COL9A2: variants seen among roughly 807,000 people sequenced by gnomAD.
The protein encoded by COL9A2 is collagen type IX alpha 2 chain.
COL9A2 carries 66 observed loss-of-function variants against 111.6 expected under a neutral mutation model. That is an observed-to-expected ratio of 0.59 (90% CI 0.48 to 0.73). COL9A2 has a LOEUF of 0.73. Among genes scored for constraint, COL9A2 ranks in the 30% least tolerant of loss-of-function variants. The probability of loss-of-function intolerance (pLI) is 0.00; values close to 1 mark genes in which losing one functional copy is unlikely to be tolerated. For synonymous variants in COL9A2, 353 were observed against 364.1 expected, an observed-to-expected ratio of 0.97 and a Z score of 0.35; for missense variants, 881 against 954.1, an observed-to-expected ratio of 0.92 and a Z score of 1.01.
Position 40,302,893 on chromosome 1 carries a change from T to C in COL9A2, c.1604-84A>G, listed in dbSNP as rs1311037792. On this transcript the variant is annotated intron_variant, in intron 29 of 31. Coordinates refer to ENST00000372748, the MANE Select transcript of COL9A2 (RefSeq NM_001852.4). The surrounding 1 kb of genome is among the most constrained non-coding windows in gnomAD (Gnocchi z 4.5). Reference sequence around the variant, plus strand: ...CACTAGGGGAGGCAGAGCATTCCGATGGGCCCTGGCCCCTAGGTTTGCAGA... The same window carrying C: ...CACTAGGGGAGGCAGAGCATTCCGACGGGCCCTGGCCCCTAGGTTTGCAGA... The C allele has an allele frequency of 1.9e-5, 26 of 1,386,924 alleles. No homozygotes were observed. The highest frequency in any genetic ancestry group is 2.5e-5 in the Non-Finnish European group (25 of 1,008,878). 85.9% of individuals were successfully genotyped at this position (1,386,924 alleles called of 1,614,324 possible).
At chr1:40,313,402 C>G (rs1414134860) in intron 4 of COL9A2, among the ~76,000 whole-genome samples, 1 of 152,204 alleles carries the variant, frequency 6.6e-6, no homozygotes, top group Non-Finnish European at 1.5e-5. Context: ...CTCCTGACCT[C>G]AAGTAATCTG....
In COL9A2 at chr1:40,316,882, G is replaced by A. The variant is rs1171519232; in HGVS notation, c.75+241C>T. Among the ~76,000 whole-genome samples, 1 of 152,178 alleles carries A rather than the reference G, an allele frequency of 6.6e-6. No homozygotes were observed. Among genetic ancestry groups the A allele is most frequent in the Non-Finnish European group, 1.5e-5 (1 of 68,010 alleles). Reference sequence around the variant, plus strand: ...GCTCCTGCCCCACGCTGCCTGTCCCGGGCCGGGCCGCGCGTCTGGGGACGG... The same window carrying A: ...GCTCCTGCCCCACGCTGCCTGTCCCAGGCCGGGCCGCGCGTCTGGGGACGG... On this transcript the variant is annotated intron_variant, in intron 1 of 31. Coordinates refer to ENST00000372748, the MANE Select transcript of COL9A2 (RefSeq NM_001852.4). This position sits in a 1 kb window ranked among gnomAD's most constrained non-coding sequence, Gnocchi z 5.5.
chr1:40,301,155 C>T lies in COL9A2; in HGVS notation c.*27G>A, dbSNP rs1400756179. On this transcript the variant is annotated 3_prime_UTR_variant, in exon 32 of 32. Coordinates refer to ENST00000372748, the MANE Select transcript of COL9A2 (RefSeq NM_001852.4). ...GACCTGGTCCTTCCCGCCAGGATGC[C>T]TGCCAGGCTCTGTCTGGGCCTGATG... is the stretch of plus-strand genomic sequence containing the variant. 6.2e-7 allele frequency: 1 copy of T among 1,611,612 alleles called. No individual in the cohort carries two copies. Among genetic ancestry groups the T allele is most frequent in the Admixed American group, 1.7e-5 (1 of 59,998 alleles).
rs1045206861 is a variant in COL9A2 at position 40,311,783 on chromosome 1, C to T, written c.418-68G>A. Reference sequence around the variant, plus strand: ...TACCAGCTTACCCTAGTGCCCTCCTCCAGGTCCTGCCTCTGCCCTCTCCAC... The same window carrying T: ...TACCAGCTTACCCTAGTGCCCTCCTTCAGGTCCTGCCTCTGCCCTCTCCAC... On this transcript the variant is annotated intron_variant, in intron 8 of 31. Transcript: ENST00000372748. The surrounding 1 kb of genome is among the most constrained non-coding windows in gnomAD (Gnocchi z 5.1). 6.9e-5 allele frequency: 102 copies of T among 1,486,382 alleles called. 2 individuals carry two copies. 92.1% of individuals were successfully genotyped at this position (1,486,382 alleles called of 1,614,324 possible).
At chr1:40,304,265 C>A in intron 24 of COL9A2, 55 bp downstream of exon 24, 1 of 1,544,482 alleles carries the variant, frequency 6.5e-7, no homozygotes, top group Non-Finnish European at 8.8e-7. Flanking sequence ...CTGCCGACCC[C>A]ACTCCCCCTG....
chr1:40,310,440 G>C lies in COL9A2; in HGVS notation c.685-123C>G. The C allele has an allele frequency of 3.0e-6, 3 of 1,015,590 alleles. No homozygotes were observed. Among genetic ancestry groups the C allele is most frequent in the Non-Finnish European group, 3.1e-6 (2 of 655,354 alleles). 62.9% of individuals were successfully genotyped at this position (1,015,590 alleles called of 1,614,324 possible). On this transcript the variant is annotated intron_variant, in intron 13 of 31. Coordinates refer to ENST00000372748, the MANE Select transcript of COL9A2 (RefSeq NM_001852.4). This position sits in a 1 kb window ranked among gnomAD's most constrained non-coding sequence, Gnocchi z 4.9. ...GTAGGCAGCAGAGTCTCTGTCTCAT[G>C]GATGGGACATGGAGGTTCAGAGATG...
chr1:40,300,861 A>C lies in COL9A2; in HGVS notation c.*321T>G. ...CCACTGACCCAAGGACAAGATGGCC[A>C]GTGGAGAAAGGTGCAGATTAAGATG... On this transcript the variant is annotated 3_prime_UTR_variant, in exon 32 of 32. Coordinates refer to ENST00000372748, the MANE Select transcript of COL9A2 (RefSeq NM_001852.4). This position sits in a 1 kb window ranked among gnomAD's most constrained non-coding sequence, Gnocchi z 4.4. The C allele has an allele frequency of 3.4e-6, 1 of 292,904 alleles. No homozygotes were observed. Among genetic ancestry groups the C allele is most frequent in the Non-Finnish European group, 6.6e-6 (1 of 151,834 alleles). 18.1% of individuals were successfully genotyped at this position (292,904 alleles called of 1,614,324 possible).
In COL9A2 at chr1:40,316,323, A is replaced by G. The variant is rs2124109693; in HGVS notation, c.76-659T>C. ...TAAGCCCTGACTGCTGCAGGGGAGC[A>G]GGAGGAGCCGGCACCTCCCAGAAAG... On this transcript the variant is annotated intron_variant, in intron 1 of 31. Coordinates refer to ENST00000372748, the MANE Select transcript of COL9A2 (RefSeq NM_001852.4). The surrounding 1 kb of genome is among the most constrained non-coding windows in gnomAD (Gnocchi z 5.5). Among the ~76,000 whole-genome samples the G allele has an allele frequency of 6.6e-6, 1 of 152,314 alleles. No individual in the cohort carries two copies. Among genetic ancestry groups the G allele is most frequent in the Non-Finnish European group, 1.5e-5 (1 of 68,018 alleles).
Position 40,307,386 on chromosome 1 carries a change from A to T in COL9A2, c.1008+60T>A. 2 of 1,520,444 alleles carry T rather than the reference A, an allele frequency of 1.3e-6. No individual in the cohort carries two copies. The highest frequency in any genetic ancestry group is 1.4e-5 in the African/African-American group (1 of 73,068). The allele number at this position is 1,520,444 out of a possible 1,614,324, so 94.2% of individuals were successfully genotyped here. ...GAGCAAGAGCCCCGGGTGTGTGTGG[A>T]TTCTAACCTCATCAGCCACTAGCCC... On this transcript the variant is annotated intron_variant, in intron 19 of 31. Coordinates refer to ENST00000372748, the MANE Select transcript of COL9A2 (RefSeq NM_001852.4). The surrounding 1 kb of genome is among the most constrained non-coding windows in gnomAD (Gnocchi z 4.8).
chr1:40,305,621 G>T, intron 21 of COL9A2, 94 bp downstream of exon 21: 1 of 1,186,724 alleles, frequency 8.4e-7, no homozygotes, highest in Non-Finnish European at 1.3e-6. Flanking sequence ...TCAGGGCAGA[G>T]CCAGACTAAC....
In COL9A2 at chr1:40,301,233, C is replaced by G; in HGVS notation, c.2019G>C (p.Ser673=). 1 of 1,614,086 alleles carries G rather than the reference C, an allele frequency of 6.2e-7. No homozygotes were observed. The highest frequency in any genetic ancestry group is 8.5e-7 in the Non-Finnish European group (1 of 1,180,020). ...FCEPAACLGA[S]AYASARLTEP... is the part of the protein sequence containing the mutation. ...CTGTAAGGCGGGCAGAGGCATAGGC[C>G]GAAGCTCCAAGGCAGGCGGCAGGTT... The change falls in exon 32 of 32, where the codon TCG becomes TCC. Residue 673 remains serine, a synonymous_variant. Transcript: ENST00000372748.
At position 40,302,885 on chromosome 1, in the gene COL9A2, C is replaced by T. The variant is rs1230615520; in HGVS notation, c.1604-76G>A. On this transcript the variant is annotated intron_variant, in intron 29 of 31. Coordinates refer to ENST00000372748, the MANE Select transcript of COL9A2 (RefSeq NM_001852.4). This position sits in a 1 kb window ranked among gnomAD's most constrained non-coding sequence, Gnocchi z 4.5. ...AGCAGTAACACTAGGGGAGGCAGAG[C>T]ATTCCGATGGGCCCTGGCCCCTAGG... 2 of 1,415,940 alleles carry T rather than the reference C, an allele frequency of 1.4e-6. No individual in the cohort carries two copies. Among genetic ancestry groups the T allele is most frequent in the East Asian group, 2.5e-5 (1 of 40,340 alleles). The allele number at this position is 1,415,940 out of a possible 1,614,324, so 87.7% of individuals were successfully genotyped here.
In COL9A2 at chr1:40,307,825, G is replaced by C; in HGVS notation, c.901-69C>G. On this transcript the variant is annotated intron_variant, in intron 17 of 31. Coordinates refer to ENST00000372748, the MANE Select transcript of COL9A2 (RefSeq NM_001852.4). This position sits in a 1 kb window ranked among gnomAD's most constrained non-coding sequence, Gnocchi z 4.8. ...GTCTGGGGTCTGGCCACCCACCCCT[G>C]TTCCTCTGAGACAGCTGCAGTGTGC... 6.6e-7 allele frequency: 1 copy of C among 1,525,408 alleles called. No individual in the cohort carries two copies. The highest frequency in any genetic ancestry group is 9.1e-7 in the Non-Finnish European group (1 of 1,102,998). The allele number at this position is 1,525,408 out of a possible 1,614,324, so 94.5% of individuals were successfully genotyped here. A position where few individuals can be genotyped will look rare whatever the true frequency, so the allele number is the denominator to read the frequency against.
rs370759884 is a variant in COL9A2, at chr1:40,310,652, G to T, written c.684+62C>A. The T allele has an allele frequency of 3.0e-5, 41 of 1,385,502 alleles. No individual in the cohort carries two copies. The African/African-American group carries it at 5.3e-4, about 18-fold the overall frequency. 85.8% of individuals were successfully genotyped at this position (1,385,502 alleles called of 1,614,324 possible). A position where few individuals can be genotyped will look rare whatever the true frequency, so the allele number is the denominator to read the frequency against. On this transcript the variant is annotated intron_variant, in intron 13 of 31. Coordinates refer to ENST00000372748, the MANE Select transcript of COL9A2 (RefSeq NM_001852.4). The surrounding 1 kb of genome is among the most constrained non-coding windows in gnomAD (Gnocchi z 4.9). The stretch of plus-strand genomic sequence containing the variant: ...AAGCTAGAGGCCTGAGCAGGGGAAT[G>T]ACTCCATGAAGGGCTCCTGGGGTGA...
In COL9A2 at chr1:40,302,932, CCTT is replaced by C; in HGVS notation, c.1604-126_1604-124del. Reference sequence around the variant, plus strand: ...TAGGTTTGCAGACAGAAAAGCACCACCTTCCGTGGGCTCTGTTTTGCGGAAGTC... The same window carrying C: ...TAGGTTTGCAGACAGAAAAGCACCACCCGTGGGCTCTGTTTTGCGGAAGTC... On this transcript the variant is annotated intron_variant, in intron 29 of 31. Coordinates refer to ENST00000372748, the MANE Select transcript of COL9A2 (RefSeq NM_001852.4). The surrounding 1 kb of genome is among the most constrained non-coding windows in gnomAD (Gnocchi z 4.5). The C allele has an allele frequency of 8.6e-7, 1 of 1,166,754 alleles. No individual in the cohort carries two copies. Among genetic ancestry groups the C allele is most frequent in the Non-Finnish European group, 1.2e-6 (1 of 812,422 alleles). 72.3% of individuals were successfully genotyped at this position (1,166,754 alleles called of 1,614,324 possible).
Position 40,304,031 on chromosome 1 carries a change from G to C in COL9A2, c.1323+33C>G, listed in dbSNP as rs368103215. The C allele has an allele frequency of 3.8e-6, 6 of 1,574,844 alleles. No homozygotes were observed. The African/African-American group carries it at 8.1e-5, about 21-fold the overall frequency. Reference sequence around the variant, plus strand: ...GCGGCGGGGACGCAGAGCAGGGTTGGGGGTCGCTGGGAACAGGGGTGCTGG... The same window carrying C: ...GCGGCGGGGACGCAGAGCAGGGTTGCGGGTCGCTGGGAACAGGGGTGCTGG... On this transcript the variant is annotated intron_variant, in intron 25 of 31. Transcript: ENST00000372748.
In COL9A2 at chr1:40,314,196, G is replaced by A. The variant is rs1644178802; in HGVS notation, c.249+9C>T. The A allele has an allele frequency of 6.2e-7, 1 of 1,614,026 alleles. No individual in the cohort carries two copies. The highest frequency in any genetic ancestry group is 1.7e-5 in the Admixed American group (1 of 60,004). On this transcript the variant is annotated intron_variant, in intron 4 of 31. Transcript: ENST00000372748. This position sits in a 1 kb window ranked among gnomAD's most constrained non-coding sequence, Gnocchi z 4.1. Reference sequence around the variant, plus strand: ...CCTACCCTGCCCCACCCGACACTCAGCTACTCACATCAATCCCGGGCTTCC... The same window carrying A: ...CCTACCCTGCCCCACCCGACACTCAACTACTCACATCAATCCCGGGCTTCC...
rs758051363 is a variant in COL9A2 at position 40,317,145 on chromosome 1, A to G, written c.53T>C (p.Val18Ala). 2.5e-6 allele frequency: 4 copies of G among 1,585,686 alleles called. No homozygotes were observed. The Admixed American group carries it at 7.1e-5, about 28-fold the overall frequency. Residue 18 changes from valine (V) to alanine (A), a missense_variant, in exon 1 of 32, where the codon GTA becomes GCA. Coordinates refer to ENST00000372748, the MANE Select transcript of COL9A2 (RefSeq NM_001852.4). The surrounding 1 kb of genome is among the most constrained non-coding windows in gnomAD (Gnocchi z 4.3). The stretch of plus-strand genomic sequence containing the variant: ...TACAATCTGCGCCAGAGCGAGCACT[A>G]CCACCTGGAGGAGAACAAGGAGGCT... ...PRSLLVLLQV[V>A]VLALAQIRGP...
chr1:40,310,406 C>A lies in COL9A2; in HGVS notation c.685-89G>T. On this transcript the variant is annotated intron_variant, in intron 13 of 31. Transcript: ENST00000372748. The surrounding 1 kb of genome is among the most constrained non-coding windows in gnomAD (Gnocchi z 4.9). Reference sequence around the variant, plus strand: ...ATGCCCACCTTCAATCTTACAGTGCCCTTTTGAGGTAGGCAGCAGAGTCTC... The same window carrying A: ...ATGCCCACCTTCAATCTTACAGTGCACTTTTGAGGTAGGCAGCAGAGTCTC... 2 of 1,338,984 alleles carry A rather than the reference C, an allele frequency of 1.5e-6. No homozygotes were observed. Among genetic ancestry groups the A allele is most frequent in the Non-Finnish European group, 1.1e-6 (1 of 935,340 alleles). 82.9% of individuals were successfully genotyped at this position (1,338,984 alleles called of 1,614,324 possible).
Sources: allele counts gnomAD v4.1 joint callset (sites outside exome capture counted in the v4.1 genomes callset), GRCh38; gene constraint gnomAD v4.1.1; non-coding constraint Gnocchi (gnomAD v3.1); transcripts MANE v1.5; gene names NCBI Gene and HGNC (gene_info 2026-07-23, HGNC 2026-07-21).